PLK5: variants seen among roughly 807,000 people sequenced by gnomAD.
PLK5 encodes the protein polo like kinase 5 (inactive).
In PLK5, 28 loss-of-function variants were observed where a neutral mutation model predicts 33.7. The ratio of observed to expected loss-of-function variants is 0.83; its 90% CI spans 0.62 to 1.14. The LOEUF (loss-of-function observed/expected upper bound fraction) is 1.14, where lower values mean the gene tolerates loss of function less well. Among genes scored for constraint, PLK5 ranks in the 50% most tolerant of loss-of-function variants. The pLI, the probability that PLK5 is intolerant of heterozygous loss-of-function variation, is 0.00. For synonymous variants in PLK5, 225 were observed against 202.2 expected, an observed-to-expected ratio of 1.11 and a Z score of -0.96; for missense variants, 492 against 461.5, an observed-to-expected ratio of 1.07 and a Z score of -0.61.
At chr19:1,534,142 A>T in intron 13 of PLK5, 101 bp downstream of exon 13, 3 of 713,320 alleles carry the variant, frequency 4.2e-6, no homozygotes, top group Non-Finnish European at 6.5e-6. Context: ...CTTAGGAAGC[A>T]TTTGCCTCCC....
intron 6 of PLK5, 51 bp downstream of exon 6, chr19:1,527,049 T>TTG: frequency 2.4e-6 from 1 of 422,488 alleles, no homozygotes; most frequent in Non-Finnish European, 3.5e-6. Context: ...GGGGCAGGTG[T>TTG]GGCGGGGGGG....
At chr19:1,532,857 G>A (rs1236494244) in intron 12 of PLK5, among the ~76,000 whole-genome samples, 3 of 152,136 alleles carry the variant, frequency 2.0e-5, no homozygotes, top group South Asian at 2.1e-4. Flanking sequence ...TAGTAGAGAC[G>A]GGGTTTCACT....
At chr19:1,531,114 A>T (rs1179769760) in intron 11 of PLK5, among the ~76,000 whole-genome samples, 1 of 151,732 alleles carries the variant, frequency 6.6e-6, no homozygotes, top group Non-Finnish European at 1.5e-5. Flanking sequence ...CAAACAAGCA[A>T]AAACCCAGAA....
chr19:1,531,098 AACAG>A (rs1188220261), intron 11 of PLK5, among the ~76,000 whole-genome samples: 2 of 151,716 alleles, frequency 1.3e-5, no homozygotes, highest in African/African-American at 4.8e-5. Flanking sequence ...CTGAAAAGCC[AACAG>A]ACAAACAAGC....
At chr19:1,528,840 C>A in intron 8 of PLK5, 58 bp from the exon 9 acceptor site, 1 of 1,329,270 alleles carries the variant, frequency 7.5e-7, no homozygotes, top group Non-Finnish European at 1.0e-6. Flanking sequence ...CAGGTGCCCC[C>A]CTACCCCCAG....
chr19:1,526,776 G>A lies in PLK5; in HGVS notation c.-110G>A. The stretch of plus-strand genomic sequence containing the variant: ...GGACTGGCGGCCAAGGTGGGGCCAG[G>A]GGGCCGCTGCCACAGGTGAGAGCCG... On this transcript the variant is annotated 5_prime_UTR_variant, in exon 5 of 14. Coordinates refer to ENST00000454744, the MANE Select transcript of PLK5 (RefSeq NM_001243079.2). The A allele has an allele frequency of 1.7e-6, 1 of 592,666 alleles. No individual in the cohort carries two copies. Among genetic ancestry groups the A allele is most frequent in the Non-Finnish European group, 3.0e-6 (1 of 334,924 alleles). 36.7% of individuals were successfully genotyped at this position (592,666 alleles called of 1,614,324 possible). A position where few individuals can be genotyped will look rare whatever the true frequency, so the allele number is the denominator to read the frequency against.
chr19:1,527,058 G>T, intron 6 of PLK5, 60 bp downstream of exon 6: 1 of 1,078,120 alleles, frequency 9.3e-7, no homozygotes, highest in South Asian at 1.4e-5. Context: ...GTGGCGGGGG[G>T]GGAGCCTGCA....
chr19:1,535,366 G>A lies in PLK5; in HGVS notation c.*116G>A, dbSNP rs1599309368. 10 of 1,164,694 alleles carry A rather than the reference G, an allele frequency of 8.6e-6. No individual in the cohort carries two copies. The South Asian group carries it at 1.6e-4, about 18-fold the overall frequency. 72.1% of individuals were successfully genotyped at this position (1,164,694 alleles called of 1,614,324 possible). On this transcript the variant is annotated 3_prime_UTR_variant, in exon 14 of 14. Coordinates refer to ENST00000454744, the MANE Select transcript of PLK5 (RefSeq NM_001243079.2). ...CTGGGGGAGGGCTGGGGGGCACACGGGAGGTGGGTTCTTGCCTTGTGGCAT... is the reference window on the plus strand; with the variant it reads ...CTGGGGGAGGGCTGGGGGGCACACGAGAGGTGGGTTCTTGCCTTGTGGCAT...
Position 1,526,801 on chromosome 19 carries a change from G to A in PLK5, c.-95+10G>A, listed in dbSNP as rs748600674. ...GGGGCCGCTGCCACAGGTGAGAGCC[G>A]GGGGGAGGGCTCTGAGCAGTCCGTC... On this transcript the variant is annotated intron_variant, in intron 5 of 13. Coordinates refer to ENST00000454744, the MANE Select transcript of PLK5 (RefSeq NM_001243079.2). The A allele has an allele frequency of 3.2e-5, 21 of 653,804 alleles. No individual in the cohort carries two copies. Among genetic ancestry groups the A allele is most frequent in the Non-Finnish European group, 4.8e-5 (18 of 378,654 alleles). The allele number at this position is 653,804 out of a possible 1,614,324, so 40.5% of individuals were successfully genotyped here.
chr19:1,534,367 CG>C (rs1375820876), intron 13 of PLK5, among the ~76,000 whole-genome samples: 4 of 150,564 alleles, frequency 2.7e-5, no homozygotes, highest in African/African-American at 9.8e-5. Context: ...ATTAGCTGGG[CG>C]TGGTGGAGCC....
chr19:1,526,949 A>G lies in PLK5; in HGVS notation c.-48A>G, dbSNP rs570352584. On this transcript the variant is annotated 5_prime_UTR_variant, in exon 6 of 14. Transcript: ENST00000454744. ...CTTCCTGGACCCTGAGGTTGTCTCC[A>G]GAAACGGTCACTCCTGCCAGTAGGA... The G allele has an allele frequency of 1.1e-3, 1,672 of 1,533,890 alleles. 1 individual carries two copies. The highest frequency in any genetic ancestry group is 1.3e-3 in the Non-Finnish European group (1,492 of 1,145,496).
intron 6 of PLK5, 125 bp from the exon 7 acceptor site, chr19:1,527,811 G>A (rs1913783946): frequency 2.1e-6 from 2 of 972,246 alleles, no homozygotes; most frequent in Non-Finnish European, 3.0e-6. Flanking sequence ...GCAGGCGGAT[G>A]TTGGGAGATG....
intron 1 of PLK5, 148 bp from the exon 2 acceptor site, chr19:1,525,157 G>A (rs1913701253): frequency 6.5e-6 from 1 of 152,980 alleles, no homozygotes; most frequent in African/African-American, 2.4e-5. Context: ...AGGCGGGAGG[G>A]TGGGAGCTGT....
intron 3 of PLK5, among the ~76,000 whole-genome samples, chr19:1,526,076 C>T (rs1014934695): frequency 1.3e-5 from 2 of 152,144 alleles, no homozygotes; most frequent in African/African-American, 4.8e-5. Context: ...TCACCTGCGC[C>T]CCTCCTGCAC....
In PLK5 at chr19:1,529,805, C is replaced by T. The variant is rs544580337; in HGVS notation, c.549C>T (p.Cys183=). 53 of 1,535,856 alleles carry T rather than the reference C, an allele frequency of 3.5e-5. No homozygotes were observed. The East Asian group carries it at 5.1e-4, about 15-fold the overall frequency. ...VEAALRHLQL[C]LDVGPPATQD... The stretch of plus-strand genomic sequence containing the variant: ...CGGCCCTCAGACACCTGCAGCTGTG[C>T]CTGGATGTAGGCCCCCCGGGTAGGA... The change falls in exon 11 of 14, where the codon TGC becomes TGT. Residue 183 remains cysteine (C), a synonymous_variant. Transcript: ENST00000454744.
Position 1,529,756 on chromosome 19 carries a change from G to C in PLK5, c.500G>C (p.Gly167Ala). 1 of 1,536,052 alleles carries C rather than the reference G, an allele frequency of 6.5e-7. No individual in the cohort carries two copies. Among genetic ancestry groups the C allele is most frequent in the Non-Finnish European group, 8.7e-7 (1 of 1,146,858 alleles). Residue 167 changes from glycine to alanine, a missense_variant, in exon 11 of 14, where the codon GGG becomes GCG. Transcript: ENST00000454744. ...AGACCTGTCTTCCCAGGGCCCGAGG[G>C]GAGCCGGCGGCCAGAGGTGGAGGCG... ...TLQSDLAGPEGSRRPEVEAAL... is the reference protein window; with the variant it reads ...TLQSDLAGPEASRRPEVEAAL...
At chr19:1,529,921 G>T in intron 11 of PLK5, 97 bp downstream of exon 11, 1 of 1,313,198 alleles carries the variant, frequency 7.6e-7, no homozygotes, top group Non-Finnish European at 1.0e-6. Context: ...TATTTCTGGG[G>T]GTGAGGAGTA....
rs1369634096 is a variant in PLK5, at chr19:1,531,861, A to G, written c.692A>G (p.His231Arg). 2 of 1,505,592 alleles carry G rather than the reference A, an allele frequency of 1.3e-6. No homozygotes were observed. The highest frequency in any genetic ancestry group is 2.8e-5 in the African/African-American group (2 of 72,088). The allele number at this position is 1,505,592 out of a possible 1,614,324, so 93.3% of individuals were successfully genotyped here. Residue 231 changes from histidine to arginine, a missense_variant, in exon 12 of 14, where the codon CAT becomes CGT. Transcript: ENST00000454744. ...LDGGRTGRHPHGPATPRREGT... is the reference protein window; with the variant it reads ...LDGGRTGRHPRGPATPRREGT... ...GGGGGGCGCACGGGACGGCACCCAC[A>G]TGGCCCTGCGACCCCCCGGAGGGTA... is the stretch of plus-strand genomic sequence containing the variant.
chr19:1,529,128 T>G, intron 9 of PLK5, 154 bp downstream of exon 9: 1 of 714,588 alleles, frequency 1.4e-6, no homozygotes, highest in South Asian at 1.9e-5. Flanking sequence ...GCATCAGAGC[T>G]GGGATCCATT....
Sources: gnomAD v4.1 joint callset for allele counts (sites outside exome capture counted in the v4.1 genomes callset) on GRCh38, gnomAD v4.1.1 for gene constraint, MANE v1.5 for transcripts, NCBI Gene and HGNC (gene_info 2026-07-23, HGNC 2026-07-21) for gene names.